Variants in PREP observed in about 807,000 individuals in gnomAD.
PREP encodes the protein dJ355L5.1 (prolyl endopeptidase).
In PREP, 29 loss-of-function variants were observed where a neutral mutation model predicts 87.6. That is an observed-to-expected ratio of 0.33 (90% CI 0.25 to 0.45). The LOEUF is 0.45. PREP is among the 20% of genes least tolerant of loss of function. The probability of loss-of-function intolerance (pLI) is 1.00; values close to 1 mark genes in which losing one functional copy is unlikely to be tolerated. For missense variants in PREP, 695 were observed against 886.5 expected, an observed-to-expected ratio of 0.78 and a Z score of 2.74; for synonymous variants, 337 against 328.6, an observed-to-expected ratio of 1.03 and a Z score of -0.28.
rs898838125 is a variant in PREP, at chr6:105,322,661, T to C, written c.1317+1004A>G. 4.0e-6 allele frequency: 4 copies of C among 991,628 alleles called. No individual in the cohort carries two copies. In the African/African-American group the frequency reaches 7.0e-5, roughly 17 times the overall value. The allele number at this position is 991,628 out of a possible 1,614,324, so 61.4% of individuals were successfully genotyped here. On this transcript the variant is annotated intron_variant, in intron 10 of 14. Transcript: ENST00000652536. The stretch of plus-strand genomic sequence containing the variant: ...AGTGCCAAAGCAACCACAGGCAATA[T>C]GTAAACAAATGGGCATGTGTTCTCC...
intron 7 of PREP, among the ~76,000 whole-genome samples, chr6:105,336,962 TA>T (rs1261999154): frequency 6.6e-6 from 1 of 150,542 alleles, no homozygotes; most frequent in Admixed American, 6.6e-5. Flanking sequence ...TTAATGTTAA[TA>T]ATCATTTTTT....
intron 2 of PREP, among the ~76,000 whole-genome samples, chr6:105,396,611 G>A (rs1773290138): frequency 6.6e-6 from 1 of 152,130 alleles, no homozygotes; most frequent in African/African-American, 2.4e-5. Context: ...ACGGTGGAAA[G>A]GGACTGCAAG....
At chr6:105,352,838 GA>G (rs371662381) in intron 7 of PREP, 133 bp downstream of exon 7, 11 of 794,962 alleles carry the variant, frequency 1.4e-5, no homozygotes, top group Admixed American at 7.2e-5. Flanking sequence ...AGTACTAAAA[GA>G]AAAAAAATCA....
intron 4 of PREP, among the ~76,000 whole-genome samples, chr6:105,374,575 A>G (rs990286233): frequency 6.9e-6 from 1 of 144,420 alleles, no homozygotes; most frequent in African/African-American, 2.6e-5. Context: ...AGAAAGTGAT[A>G]GGAAAAAGAA....
chr6:105,320,352 A>G (rs1417774036), intron 10 of PREP, among the ~76,000 whole-genome samples: 5 of 152,212 alleles, frequency 3.3e-5, no homozygotes, highest in African/African-American at 1.2e-4. Context: ...CCACAGCTAT[A>G]ATCAGGAATG....
chr6:105,349,924 C>CAAAAAAAAAAAAAAAAAAAAAAAAA (rs1456684844), intron 7 of PREP, among the ~76,000 whole-genome samples: 1 of 92,808 alleles, frequency 1.1e-5, no homozygotes, highest in African/African-American at 4.5e-5. Context: ...AAAAAAAAAG[C>CAAAAAAAAAAAAAAAAAAAAAAAAA]AAAAAAGATC....
chr6:105,364,454 A>T (rs1772332061), intron 6 of PREP, among the ~76,000 whole-genome samples: 1 of 152,216 alleles, frequency 6.6e-6, no homozygotes, highest in Non-Finnish European at 1.5e-5. Flanking sequence ...CATCTAGGAT[A>T]TAAAGAGAAG....
At chr6:105,363,150 T>G (rs1055840995) in intron 6 of PREP, among the ~76,000 whole-genome samples, 15 of 151,548 alleles carry the variant, frequency 9.9e-5, no homozygotes, top group African/African-American at 3.4e-4. Context: ...GGATTACTTT[T>G]GAAAAAAAAA....
In PREP at chr6:105,274,727, C is replaced by T. The variant is rs1769901693; in HGVS notation, c.*3417G>A. Among the ~76,000 whole-genome samples, 3 of 152,122 alleles carry T rather than the reference C, an allele frequency of 2.0e-5. No homozygotes were observed. The highest frequency in any genetic ancestry group is 7.2e-5 in the African/African-American group (3 of 41,436). ...AGGTTGCAGTAAGCTGAGATAGCGC[C>T]ATTGCACTCCAGCCTGGGCCGTAAC... On this transcript the variant is annotated 3_prime_UTR_variant, in exon 15 of 15. Transcript: ENST00000652536.
chr6:105,281,843 T>C lies in PREP; in HGVS notation c.1741A>G (p.Met581Val). 2 of 1,614,236 alleles carry C rather than the reference T, an allele frequency of 1.2e-6. No homozygotes were observed. Among genetic ancestry groups the C allele is most frequent in the Non-Finnish European group, 1.7e-6 (2 of 1,180,042 alleles). The change falls in exon 14 of 15, where the codon ATG (methionine) becomes GTG (valine). Residue 581 changes from methionine to valine, a missense_variant. Met to Val is a conservative substitution (Grantham distance 21). Coordinates refer to ENST00000652536, the MANE Select transcript of PREP (RefSeq NM_002726.5). ...FGCVIAQVGV[M>V]DMLKFHKYTI... Reference sequence around the variant, plus strand: ...TATTTATGAAACTTCAGCATGTCCATTACTCCAACTTGGGCAATAACACAA... The same window carrying C: ...TATTTATGAAACTTCAGCATGTCCACTACTCCAACTTGGGCAATAACACAA...
intron 10 of PREP, among the ~76,000 whole-genome samples, chr6:105,306,804 C>T (rs527651491): frequency 7.1e-6 from 1 of 141,336 alleles, no homozygotes; most frequent in African/African-American, 2.6e-5. Context: ...GACTCTAATT[C>T]TCTAAGCACC....
At chr6:105,377,705 TTAA>T (rs1372870094) in intron 2 of PREP, among the ~76,000 whole-genome samples, 186 bp from the exon 3 acceptor site, 1 of 152,220 alleles carries the variant, frequency 6.6e-6, no homozygotes, top group African/African-American at 2.4e-5. Flanking sequence ...AAGTGACTGA[TTAA>T]TATGTAGTAA....
intron 1 of PREP, among the ~76,000 whole-genome samples, chr6:105,398,799 T>C (rs1773349937): frequency 6.6e-6 from 1 of 152,168 alleles, no homozygotes; most frequent in Admixed American, 6.6e-5. Context: ...TCTCTCCACC[T>C]GATACCATCA....
intron 5 of PREP, among the ~76,000 whole-genome samples, chr6:105,372,250 A>G (rs2114707607): frequency 6.6e-6 from 1 of 152,064 alleles, no homozygotes; most frequent in East Asian, 1.9e-4. Context: ...TTTAAAGATG[A>G]CAAAGATACA....
chr6:105,317,277 T>TG (rs1345945991), intron 10 of PREP, among the ~76,000 whole-genome samples: 1 of 151,474 alleles, frequency 6.6e-6, no homozygotes, highest in East Asian at 1.9e-4. Context: ...ATTTAAGAGG[T>TG]GAAAAAAAAA....
intron 7 of PREP, among the ~76,000 whole-genome samples, chr6:105,351,530 G>A (rs563703707): frequency 1.2e-4 from 19 of 152,282 alleles, no homozygotes; most frequent in African/African-American, 4.6e-4. Flanking sequence ...AACAAAGAGG[G>A]TTTCCATGAG....
chr6:105,281,627 C>G (rs1239842906), intron 14 of PREP, 119 bp downstream of exon 14: 2 of 1,249,608 alleles, frequency 1.6e-6, no homozygotes. Context: ...TCCTCTCCAG[C>G]AGATTATATG....
intron 7 of PREP, among the ~76,000 whole-genome samples, chr6:105,341,351 C>T (rs1274059282): frequency 3.3e-5 from 5 of 152,242 alleles, no homozygotes; most frequent in African/African-American, 1.2e-4. Flanking sequence ...AGAACAAAGA[C>T]ACAACGTAGC....
At chr6:105,349,045 T>G (rs1423728282) in intron 7 of PREP, among the ~76,000 whole-genome samples, 1 of 151,886 alleles carries the variant, frequency 6.6e-6, no homozygotes, top group Non-Finnish European at 1.5e-5. Flanking sequence ...AGCTGAAAAA[T>G]TATTATATAT....
Sources: gnomAD v4.1 joint callset for allele counts (sites outside exome capture counted in the v4.1 genomes callset) on GRCh38, gnomAD v4.1.1 for gene constraint, MANE v1.5 for transcripts, NCBI Gene and HGNC (gene_info 2026-07-23, HGNC 2026-07-21) for gene names.